Variants in BDP1 observed in about 807,000 individuals in gnomAD.
BDP1 encodes the protein BDP1 general transcription factor IIIB subunit.
BDP1 carries 169 observed loss-of-function variants against 266.6 expected under a neutral mutation model. The observed-to-expected ratio is 0.63, with a 90% confidence interval of 0.56 to 0.72. The LOEUF is 0.72. Ranked by LOEUF, BDP1 falls within the 30% of genes least tolerant of loss-of-function variation. The pLI is 0.00. For missense variants in BDP1, 3,015 were observed against 3,053.8 expected, an observed-to-expected ratio of 0.99 and a Z score of 0.30; for synonymous variants, 1,090 against 1,022.4, an observed-to-expected ratio of 1.07 and a Z score of -1.26.
At chr5:71,481,097 C>A (rs2150390377) in intron 7 of BDP1, among the ~76,000 whole-genome samples, 1 of 151,944 alleles carries the variant, frequency 6.6e-6, no homozygotes, top group East Asian at 2.0e-4. Context: ...TGGCATGAAC[C>A]CGGGATGCAG....
In BDP1 at chr5:71,510,609, T is replaced by C; in HGVS notation, c.3517T>C (p.Leu1173=). The C allele has an allele frequency of 1.3e-6, 2 of 1,587,084 alleles. No individual in the cohort carries two copies. Among genetic ancestry groups the C allele is most frequent in the Non-Finnish European group, 1.7e-6 (2 of 1,163,030 alleles). The change falls in exon 17 of 39, where the codon TTG becomes CTG. Residue 1173 remains leucine, a synonymous_variant. Transcript: ENST00000358731. The part of the protein sequence containing the change: ...VKPVDEMETD[L]KTTGREGSSR... ...GCCTGTAGATGAAATGGAGACAGACTTGAAAACAACTGGAAGAGAGGGTTC... is the reference window on the plus strand; with the variant it reads ...GCCTGTAGATGAAATGGAGACAGACCTGAAAACAACTGGAAGAGAGGGTTC...
chr5:71,524,232 C>T lies in BDP1; in HGVS notation c.5681C>T (p.Pro1894Leu), dbSNP rs1233129135. ...GAGGAAGAAAGCTATCATCTTGCTC[C>T]CGAAGAAGTAAACAAAGCTCCAGTA... Reference protein sequence around the residue: ...DYEEESYHLAPEEVNKAPVFV... With the variant: ...DYEEESYHLALEEVNKAPVFV... Residue 1894 changes from proline to leucine, a missense_variant, in exon 25 of 39, where the codon CCC becomes CTC. Pro to Leu is a moderately conservative substitution (Grantham distance 98). Coordinates refer to ENST00000358731, the MANE Select transcript of BDP1 (RefSeq NM_018429.3). The T allele has an allele frequency of 1.2e-6, 2 of 1,613,986 alleles. No homozygotes were observed. Among genetic ancestry groups the T allele is most frequent in the African/African-American group, 2.7e-5 (2 of 74,910 alleles).
chr5:71,502,461 A>C (rs545236249), intron 14 of BDP1, 138 bp from the exon 15 acceptor site: 3 of 757,630 alleles, frequency 4.0e-6, no homozygotes, highest in Non-Finnish European at 4.2e-6. Flanking sequence ...GGTGCGAGCC[A>C]CTGCGCCCGG....
chr5:71,464,169 A>C (rs1761752171), intron 4 of BDP1, 52 bp downstream of exon 4: 1 of 1,114,644 alleles, frequency 9.0e-7, no homozygotes, highest in Admixed American at 2.3e-5. Context: ...TTAAGAAATG[A>C]GATCAAATGG....
At chr5:71,491,482 C>CTG (rs371887517) in intron 11 of BDP1, among the ~76,000 whole-genome samples, 11 of 151,214 alleles carry the variant, frequency 7.3e-5, no homozygotes, top group Middle Eastern at 3.4e-3. Context: ...ATGTGTCTTG[C>CTG]TGTGTGTGTG....
At position 71,466,108 on chromosome 5, in the gene BDP1, G is replaced by A. The variant is rs1761890876; in HGVS notation, c.672G>A (p.Lys224=). The change falls in exon 5 of 39, where the codon AAG becomes AAA. Residue 224 remains lysine (K), a synonymous_variant. Transcript: ENST00000358731. ...TTATATGTGGTAGGCAAGAAGGTAA[G>A]AGTACTCCTAATGCTGAAGATAATG... ...TPVQTREQEG[K]STPNAEDNEM... is the part of the protein sequence containing the mutation. 1 of 1,613,646 alleles carries A rather than the reference G, an allele frequency of 6.2e-7. No individual in the cohort carries two copies. Among genetic ancestry groups the A allele is most frequent in the African/African-American group, 1.3e-5 (1 of 74,926 alleles).
Position 71,541,496 on chromosome 5 carries a change from G to A in BDP1, c.6065G>A (p.Ser2022Asn). The change falls in exon 29 of 39, where the codon AGC (serine) becomes AAC (asparagine). Residue 2022 changes from serine to asparagine, a missense_variant. This residue lies in a region of BDP1 where 2,383 missense variants were observed against 2,404.9 expected (regional missense o/e 0.99). Coordinates refer to ENST00000358731, the MANE Select transcript of BDP1 (RefSeq NM_018429.3). ...CCTCATGTTCATTCAAAGGATAAAA[G>A]CCATATTCCTTCTAGCCTAGATAAT... is the stretch of plus-strand genomic sequence containing the variant. ...IIPHVHSKDKSHIPSSLDNVN... is the reference protein window; with the variant it reads ...IIPHVHSKDKNHIPSSLDNVN... The A allele has an allele frequency of 6.3e-7, 1 of 1,587,708 alleles. No homozygotes were observed. The highest frequency in any genetic ancestry group is 1.1e-5 in the South Asian group (1 of 89,572).
chr5:71,504,618 A>G lies in BDP1; in HGVS notation c.2242-3A>G, dbSNP rs774939178. 15 of 1,601,326 alleles carry G rather than the reference A, an allele frequency of 9.4e-6. No individual in the cohort carries two copies. Among genetic ancestry groups the G allele is most frequent in the Non-Finnish European group, 1.2e-5 (14 of 1,175,912 alleles). ...ACATTAGAAAAATTTGTTTGTTTTT[A>G]AGACTCCTCAACACATGGAAGATCA... is the stretch of plus-strand genomic sequence containing the variant. On this transcript the variant is annotated splice_region_variant and splice_polypyrimidine_tract_variant and intron_variant, in intron 15 of 38. Transcript: ENST00000358731.
intron 34 of BDP1, among the ~76,000 whole-genome samples, chr5:71,550,611 A>G (rs929070663): frequency 3.3e-5 from 5 of 151,416 alleles, no homozygotes; most frequent in Admixed American, 6.6e-5. Context: ...TGTTCTTGAT[A>G]CTCTTATTTT....
At chr5:71,458,090 G>C (rs1306823565) in intron 1 of BDP1, among the ~76,000 whole-genome samples, 2 of 152,170 alleles carry the variant, frequency 1.3e-5, no homozygotes, top group African/African-American at 4.8e-5. Flanking sequence ...CTGCAATACA[G>C]ATATTTCAGA....
intron 19 of BDP1, among the ~76,000 whole-genome samples, chr5:71,513,631 G>A (rs1765060945): frequency 6.6e-6 from 1 of 152,038 alleles, no homozygotes; most frequent in South Asian, 2.1e-4. Flanking sequence ...AAAGCGTTCA[G>A]GTCTGGGCTC....
chr5:71,571,430 G>T (rs904874418), downstream of BDP1, among the ~76,000 whole-genome samples: 1 of 152,172 alleles, frequency 6.6e-6, no homozygotes, highest in Non-Finnish European at 1.5e-5. Context: ...TTACAGGCCT[G>T]TGCCACCGCA....
At position 71,522,868 on chromosome 5, in the gene BDP1, C is replaced by G. The variant is rs1188790720; in HGVS notation, c.5306C>G (p.Ser1769Ter). 1 of 1,613,672 alleles carries G rather than the reference C, an allele frequency of 6.2e-7. No individual in the cohort carries two copies. The highest frequency in any genetic ancestry group is 2.2e-5 in the East Asian group (1 of 44,846). ...IDAELEEVGP[S>*]RRVGEETVGD... is the part of the protein sequence containing the mutation. ...GCGGAATTAGAAGAAGTTGGACCATCAAGAAGGGTTGGAGAGGAAACTGTA... is the reference window on the plus strand; with the variant it reads ...GCGGAATTAGAAGAAGTTGGACCATGAAGAAGGGTTGGAGAGGAAACTGTA... Residue 1769 changes from serine to a stop codon, truncating the protein, a stop_gained, in exon 24 of 39, where the codon TCA (serine) becomes TGA (stop). Transcript: ENST00000358731. LOFTEE classifies it high-confidence loss of function.
chr5:71,518,680 C>T (rs1162406848), intron 22 of BDP1, among the ~76,000 whole-genome samples: 1 of 151,996 alleles, frequency 6.6e-6, no homozygotes, highest in Non-Finnish European at 1.5e-5. Flanking sequence ...TCCTGAACTC[C>T]TGAGCTCAAG....
chr5:71,465,992 G>A (rs559424095), intron 4 of BDP1, 104 bp from the exon 5 acceptor site: 14 of 1,224,948 alleles, frequency 1.1e-5, no homozygotes, highest in Non-Finnish European at 1.5e-5. Flanking sequence ...GGGAAAGTTG[G>A]AAATAGCTAG....
chr5:71,567,573 G>A lies in BDP1; in HGVS notation c.*2688G>A, dbSNP rs771536571. The A allele has an allele frequency of 3.9e-5, 6 of 152,560 alleles. No individual in the cohort carries two copies. The highest frequency in any genetic ancestry group is 6.5e-5 in the Admixed American group (1 of 15,268). 9.5% of individuals were successfully genotyped at this position (152,560 alleles called of 1,614,324 possible). Reference sequence around the variant, plus strand: ...TTGACTTTTTCTCCTGAACACTTATGTCTTAGCAAGTGGTCAACATGAGGA... The same window carrying A: ...TTGACTTTTTCTCCTGAACACTTATATCTTAGCAAGTGGTCAACATGAGGA... On this transcript the variant is annotated 3_prime_UTR_variant, in exon 39 of 39. Transcript: ENST00000358731.
At chr5:71,533,703 A>T (rs1766403913) in intron 26 of BDP1, among the ~76,000 whole-genome samples, 1 of 151,174 alleles carries the variant, frequency 6.6e-6, no homozygotes, top group South Asian at 2.1e-4. Context: ...TCCTCAAGTG[A>T]TACTTTTACC....
At chr5:71,497,076 G>A (rs1763941219) in intron 12 of BDP1, among the ~76,000 whole-genome samples, 194 bp from the exon 13 acceptor site, 1 of 152,146 alleles carries the variant, frequency 6.6e-6, no homozygotes. Context: ...GTACCACACT[G>A]TTTTAATTAC....
At chr5:71,496,918 A>T (rs1319252422) in intron 12 of BDP1, among the ~76,000 whole-genome samples, 4 of 152,068 alleles carry the variant, frequency 2.6e-5, no homozygotes, top group African/African-American at 4.8e-5. Flanking sequence ...AATATTTCTT[A>T]CGTTTTATCC....
Sources: gnomAD v4.1 joint callset for allele counts (sites outside exome capture counted in the v4.1 genomes callset) on GRCh38, gnomAD v4.1.1 for gene constraint, gnomAD v4.1.1 regional missense constraint, MANE v1.5 for transcripts, NCBI Gene and HGNC (gene_info 2026-07-23, HGNC 2026-07-21) for gene names.